The following SECISBP2L variants were observed in gnomAD, a reference collection of about 807,000 sequenced individuals.
SECISBP2L encodes SECIS binding protein 2 like.
Under a neutral mutation model 114.7 loss-of-function variants are expected in SECISBP2L, and 43 were observed. That is an observed-to-expected ratio of 0.38 (90% CI 0.29 to 0.48). The LOEUF (loss-of-function observed/expected upper bound fraction) is 0.48. SECISBP2L is among the 20% of genes least tolerant of loss of function. The probability of loss-of-function intolerance (pLI) is 0.98; values close to 1 mark genes in which losing one functional copy is unlikely to be tolerated. For synonymous variants in SECISBP2L, 451 were observed against 439.7 expected, an observed-to-expected ratio of 1.03 and a Z score of -0.32; for missense variants, 1,136 against 1,301.1, an observed-to-expected ratio of 0.87 and a Z score of 1.95.
chr15:49,034,179 G>A (rs528208551), intron 3 of SECISBP2L, among the ~76,000 whole-genome samples: 1 of 152,220 alleles, frequency 6.6e-6, no homozygotes, highest in African/African-American at 2.4e-5. Flanking sequence ...AGGCAGCAAA[G>A]ACTTCACTGA....
intron 1 of SECISBP2L, among the ~76,000 whole-genome samples, chr15:49,039,773 T>TCC (rs1491001535): frequency 1.3e-5 from 2 of 151,930 alleles, no homozygotes; most frequent in Admixed American, 1.3e-4. Flanking sequence ...CAAGTGATCC[T>TCC]CCCACCTCAG....
At chr15:49,014,757 A>T (rs1218111133) in intron 11 of SECISBP2L, among the ~76,000 whole-genome samples, 2 of 148,562 alleles carry the variant, frequency 1.3e-5, no homozygotes, top group African/African-American at 4.9e-5. Flanking sequence ...ATATATAGTT[A>T]TATAATTTAT....
chr15:49,045,144 A>T (rs1201032988), intron 1 of SECISBP2L, among the ~76,000 whole-genome samples: 1 of 152,118 alleles, frequency 6.6e-6, no homozygotes, highest in African/African-American at 2.4e-5. Context: ...TATAAAACTC[A>T]TTTGTGTCTT....
chr15:49,012,916 G>A, intron 11 of SECISBP2L, 99 bp from the exon 12 acceptor site: 2 of 1,202,678 alleles, frequency 1.7e-6, no homozygotes, highest in Non-Finnish European at 2.3e-6. Context: ...CTCCTCCCAT[G>A]GAAAAAACGA....
chr15:49,017,140 CAT>C, intron 9 of SECISBP2L, 125 bp from the exon 10 acceptor site: 1 of 916,942 alleles, frequency 1.1e-6, no homozygotes, highest in Non-Finnish European at 1.6e-6. Flanking sequence ...AATTCAATGT[CAT>C]AAAGAACAGG....
chr15:49,035,284 CTAATA>C, intron 3 of SECISBP2L, 45 bp downstream of exon 3: 2 of 1,509,952 alleles, frequency 1.3e-6, no homozygotes, highest in Non-Finnish European at 1.8e-6. Context: ...ATTGCTTATA[CTAATA>C]TAAGTAATAT....
Position 48,992,346 on chromosome 15 carries a change from C to G in SECISBP2L, c.3204G>C (p.Trp1068Cys), listed in dbSNP as rs771680639. 3 of 1,614,044 alleles carry G rather than the reference C, an allele frequency of 1.9e-6. No homozygotes were observed. Among genetic ancestry groups the G allele is most frequent in the Non-Finnish European group, 2.5e-6 (3 of 1,180,050 alleles). ...CAGGACTGGCCTGCTGGTCAGCAGT[C>G]CATGCCTCACTGTCCATCCCTGGCT... ...VLEPGMDSEA[W>C]TADQQASPGQ... Residue 1068 changes from tryptophan (W) to cysteine (C), a missense_variant, in exon 18 of 18, where the codon TGG becomes TGC. This residue lies in a region of SECISBP2L where 684 missense variants were observed against 848.7 expected (regional missense o/e 0.81). Coordinates refer to ENST00000559471, the MANE Select transcript of SECISBP2L (RefSeq NM_001193489.2).
At position 49,009,272 on chromosome 15, in the gene SECISBP2L, T is replaced by C; in HGVS notation, c.1971A>G (p.Ile657Met). 1 of 1,614,190 alleles carries C rather than the reference T, an allele frequency of 6.2e-7. No homozygotes were observed. Among genetic ancestry groups the C allele is most frequent in the Non-Finnish European group, 8.5e-7 (1 of 1,180,022 alleles). The change falls in exon 14 of 18, where the codon ATA becomes ATG. Residue 657 changes from isoleucine (I) to methionine (M), a missense_variant. By Grantham distance (10) the Ile-to-Met change is conservative. Around this residue, in one of 2 missense-constraint regions of SECISBP2L, gnomAD observed 684 missense variants for 848.7 expected, o/e 0.81. Transcript: ENST00000559471. ...VSQGSPASSG[I>M]GSPMASSTIT... The stretch of plus-strand genomic sequence containing the variant: ...TTGTTGAAGATGCCATTGGACTGCC[T>C]ATTCCAGAACTAGCAGGAGAGCCTT...
Position 49,028,502 on chromosome 15 carries a change from T to C in SECISBP2L, c.845A>G (p.Asn282Ser). Residue 282 changes from asparagine (N) to serine (S), a missense_variant, in exon 5 of 18, where the codon AAC (asparagine) becomes AGC (serine). By Grantham distance (46) the Asn-to-Ser change is conservative. Transcript: ENST00000559471. ...SGYCSPKHSN[N>S]QPAAGALRNP... The stretch of plus-strand genomic sequence containing the variant: ...TCTCAAAGCCCCTGCTGCAGGCTGG[T>C]TGTTGCTGTGTTTGGGACTGCAGTA... 1.2e-6 allele frequency: 2 copies of C among 1,614,184 alleles called. No individual in the cohort carries two copies. Among genetic ancestry groups the C allele is most frequent in the Non-Finnish European group, 8.5e-7 (1 of 1,180,026 alleles).
chr15:49,040,714 A>T (rs1325299107), intron 1 of SECISBP2L, among the ~76,000 whole-genome samples: 2 of 149,420 alleles, frequency 1.3e-5, no homozygotes, highest in Admixed American at 6.6e-5. Flanking sequence ...TTTTTTTTGA[A>T]TTTTTAGTAG....
intron 11 of SECISBP2L, among the ~76,000 whole-genome samples, chr15:49,013,306 T>C (rs1488067676): frequency 6.6e-6 from 1 of 152,064 alleles, no homozygotes; most frequent in Non-Finnish European, 1.5e-5. Flanking sequence ...TTTATTTATT[T>C]ATTTATTTTG....
intron 9 of SECISBP2L, 41 bp from the exon 10 acceptor site, chr15:49,017,056 A>G: frequency 6.3e-7 from 1 of 1,592,974 alleles, no homozygotes; most frequent in Non-Finnish European, 8.6e-7. Context: ...GTGATCCCAT[A>G]AAAGTCAATC....
intron 17 of SECISBP2L, 53 bp downstream of exon 17, chr15:48,996,314 C>A: frequency 1.4e-6 from 2 of 1,452,544 alleles, no homozygotes; most frequent in South Asian, 2.5e-5. Context: ...AATAGAAAGT[C>A]ATTTAAATCA....
chr15:49,008,929 C>T (rs763804769), intron 14 of SECISBP2L, among the ~76,000 whole-genome samples: 9 of 151,952 alleles, frequency 5.9e-5, no homozygotes, highest in Non-Finnish European at 1.0e-4. Context: ...ACTGATAGTA[C>T]AACATTTAAT....
intron 6 of SECISBP2L, 58 bp from the exon 7 acceptor site, chr15:49,027,538 T>C (rs1351843244): frequency 8.8e-6 from 9 of 1,022,922 alleles, no homozygotes; most frequent in South Asian, 5.3e-5. Flanking sequence ...AAAACCTAAA[T>C]TGACCTGACT....
At chr15:49,040,566 T>C (rs11070680) in intron 1 of SECISBP2L, among the ~76,000 whole-genome samples, 103,465 of 125,744 alleles carry the variant, frequency 0.82, 43,856 homozygotes, top group East Asian at 0.94. Flanking sequence ...GACGGAGTCT[T>C]GCTCTGTGGC....
chr15:49,044,204 T>C (rs964044825), intron 1 of SECISBP2L, among the ~76,000 whole-genome samples: 3 of 152,126 alleles, frequency 2.0e-5, no homozygotes, highest in Admixed American at 6.5e-5. Context: ...TTGACACATA[T>C]TACATATACT....
At chr15:49,006,848 T>C (rs1902333383) in intron 14 of SECISBP2L, among the ~76,000 whole-genome samples, 1 of 152,020 alleles carries the variant, frequency 6.6e-6, no homozygotes, top group African/African-American at 2.4e-5. Flanking sequence ...TGGCGAGGAG[T>C]TGTGATCCTT....
intron 12 of SECISBP2L, 104 bp from the exon 13 acceptor site, chr15:49,011,967 G>A: frequency 1.5e-6 from 2 of 1,315,932 alleles, no homozygotes; most frequent in South Asian, 1.5e-5. Flanking sequence ...ACTTAAACAT[G>A]AACATGAGAA....
Sources: gnomAD v4.1 joint callset for allele counts (sites outside exome capture counted in the v4.1 genomes callset) on GRCh38, gnomAD v4.1.1 for gene constraint, gnomAD v4.1.1 regional missense constraint, MANE v1.5 for transcripts, NCBI Gene and HGNC (gene_info 2026-07-23, HGNC 2026-07-21) for gene names.